The following SSBP3 variants were observed in gnomAD, a reference collection of about 807,000 sequenced individuals.
SSBP3 encodes single-stranded DNA-binding protein 3.
A neutral mutation model predicts 69.6 loss-of-function variants in SSBP3; 5 were observed. The ratio of observed to expected loss-of-function variants is 0.07; its 90% CI spans 0.04 to 0.15. SSBP3 has a LOEUF of 0.15. Among genes scored for constraint, SSBP3 ranks in the 10% least tolerant of loss-of-function variants. SSBP3 has a pLI of 1.00. For synonymous variants in SSBP3, 196 were observed against 193.4 expected, an observed-to-expected ratio of 1.01 and a Z score of -0.11; for missense variants, 312 against 534.0, an observed-to-expected ratio of 0.58 and a Z score of 4.10.
At chr1:54,395,078 C>T (rs2100783391) in intron 4 of SSBP3, among the ~76,000 whole-genome samples, 1 of 151,902 alleles carries the variant, frequency 6.6e-6, no homozygotes, top group Admixed American at 6.5e-5. Flanking sequence ...AAGGGGATTC[C>T]CTTATACAAT....
chr1:54,259,900 G>T (rs148541431), intron 5 of SSBP3, among the ~76,000 whole-genome samples: 2,266 of 152,324 alleles, frequency 0.015, 26 homozygotes, highest in Non-Finnish European at 0.025. Flanking sequence ...TGCCAGCAAC[G>T]GCATGGTTTG....
chr1:54,404,079 T>C (rs1265355749), intron 3 of SSBP3, among the ~76,000 whole-genome samples: 2 of 152,110 alleles, frequency 1.3e-5, no homozygotes, highest in East Asian at 1.9e-4. Flanking sequence ...ATCAGTATCT[T>C]TAAAGGAAGT....
intron 15 of SSBP3, 107 bp downstream of exon 15, chr1:54,228,641 G>A: frequency 6.8e-7 from 1 of 1,479,168 alleles, no homozygotes; most frequent in Non-Finnish European, 9.1e-7. Context: ...TGTGTGCCCA[G>A]CCAAGGCCGG....
intron 4 of SSBP3, among the ~76,000 whole-genome samples, chr1:54,317,616 C>A (rs527286340): frequency 6.6e-6 from 1 of 151,950 alleles, no homozygotes; most frequent in Non-Finnish European, 1.5e-5. Context: ...ACCTGGGCAG[C>A]CTTTTTTCCA....
chr1:54,404,811 G>T (rs765803450), intron 2 of SSBP3, 47 bp downstream of exon 2: 2 of 990,830 alleles, frequency 2.0e-6, no homozygotes, highest in Non-Finnish European at 3.0e-6. Context: ...AGAATAGTGG[G>T]GGGGGGGGGT....
intron 4 of SSBP3, among the ~76,000 whole-genome samples, chr1:54,284,057 G>A (rs1187903070): frequency 6.9e-6 from 1 of 144,058 alleles, no homozygotes; most frequent in Non-Finnish European, 1.5e-5. Flanking sequence ...AGAGACTGGT[G>A]TTACATTTAA....
intron 5 of SSBP3, among the ~76,000 whole-genome samples, chr1:54,261,100 G>A (rs942884561): frequency 3.3e-5 from 5 of 152,220 alleles, no homozygotes; most frequent in Admixed American, 2.0e-4. Context: ...CCGGAGCTCC[G>A]TCACTACGTT....
At chr1:54,336,689 T>A (rs763566094) in intron 4 of SSBP3, among the ~76,000 whole-genome samples, 18 of 152,228 alleles carry the variant, frequency 1.2e-4, no homozygotes, top group Non-Finnish European at 2.2e-4. Context: ...CAAGGGGAAC[T>A]TGACATTTGG....
chr1:54,405,326 C>T, intron 1 of SSBP3: 1 of 259,154 alleles, frequency 3.9e-6, no homozygotes, highest in Non-Finnish European at 7.6e-6. Context: ...GGGTGCTTGG[C>T]GCGCTCTGGA....
At chr1:54,355,712 AAGG>A (rs1358478481) in intron 4 of SSBP3, among the ~76,000 whole-genome samples, 1 of 152,172 alleles carries the variant, frequency 6.6e-6, no homozygotes, top group African/African-American at 2.4e-5. Context: ...TGGAAAACTA[AAGG>A]AGTTATCTTA....
chr1:54,370,695 A>C (rs1409538706), intron 4 of SSBP3, among the ~76,000 whole-genome samples: 1 of 152,168 alleles, frequency 6.6e-6, no homozygotes, highest in South Asian at 2.1e-4. Context: ...TGTTCTACAA[A>C]GTGTCCAGTG....
chr1:54,258,007 G>A lies in SSBP3; in HGVS notation c.447+62C>T, dbSNP rs1462318910. The A allele has an allele frequency of 4.0e-6, 6 of 1,486,330 alleles. No homozygotes were observed. The highest frequency in any genetic ancestry group is 2.5e-5 in the East Asian group (1 of 40,542). 92.1% of individuals were successfully genotyped at this position (1,486,330 alleles called of 1,614,324 possible). A position where few individuals can be genotyped will look rare whatever the true frequency, so the allele number is the denominator to read the frequency against. Reference sequence around the variant, plus strand: ...ATTTTGATTTTTGTTTTTCCTCTGCGGGCTCTCTGCTTCCTCCGCGCCCCG... The same window carrying A: ...ATTTTGATTTTTGTTTTTCCTCTGCAGGCTCTCTGCTTCCTCCGCGCCCCG... On this transcript the variant is annotated intron_variant, in intron 6 of 17. Coordinates refer to ENST00000610401, the Ensembl canonical transcript of SSBP3. This position sits in a 1 kb window ranked among gnomAD's most constrained non-coding sequence, Gnocchi z 4.5.
At chr1:54,350,534 A>G (rs1265701410) in intron 4 of SSBP3, among the ~76,000 whole-genome samples, 1 of 152,208 alleles carries the variant, frequency 6.6e-6, no homozygotes. Context: ...TTATACGCGT[A>G]TGGCCTTCAG....
chr1:54,408,226 G>GT (rs987769088), upstream of SSBP3, among the ~76,000 whole-genome samples: 1 of 152,186 alleles, frequency 6.6e-6, no homozygotes, highest in African/African-American at 2.4e-5. Context: ...TTTAAAGGTT[G>GT]TTTCGTGAAT....
At chr1:54,319,419 T>C (rs996158786) in intron 4 of SSBP3, among the ~76,000 whole-genome samples, 1 of 152,130 alleles carries the variant, frequency 6.6e-6, no homozygotes, top group Non-Finnish European at 1.5e-5. Flanking sequence ...GGTCTACACC[T>C]GGCACTATGT....
intron 4 of SSBP3, among the ~76,000 whole-genome samples, chr1:54,285,220 A>T (rs1645466415): frequency 6.6e-6 from 1 of 152,232 alleles, no homozygotes; most frequent in African/African-American, 2.4e-5. Context: ...AAAGGGCAGA[A>T]AAGTGTGAAG....
At chr1:54,301,461 C>A (rs1557511292) in intron 4 of SSBP3, among the ~76,000 whole-genome samples, 1 of 152,202 alleles carries the variant, frequency 6.6e-6, no homozygotes, top group African/African-American at 2.4e-5. Flanking sequence ...ACACCCCCTA[C>A]CCATGCCCAG....
chr1:54,357,562 T>A (rs1646888709), intron 4 of SSBP3, among the ~76,000 whole-genome samples: 1 of 152,124 alleles, frequency 6.6e-6, no homozygotes, highest in Admixed American at 6.5e-5. Flanking sequence ...CTCTCCCCCA[T>A]CCACAGGGGA....
chr1:54,393,191 C>T (rs937606327), intron 4 of SSBP3, among the ~76,000 whole-genome samples: 4 of 152,182 alleles, frequency 2.6e-5, no homozygotes, highest in Admixed American at 1.3e-4. Flanking sequence ...AGCATCTGTG[C>T]GTCCACTGTT....
Sources: allele counts gnomAD v4.1 joint callset (sites outside exome capture counted in the v4.1 genomes callset), GRCh38; gene constraint gnomAD v4.1.1; non-coding constraint Gnocchi (gnomAD v3.1); transcripts MANE v1.5; gene names NCBI Gene and HGNC (gene_info 2026-07-23, HGNC 2026-07-21).